Variants in GRM7 observed in about 807,000 individuals in gnomAD.
The protein encoded by GRM7 is metabotropic glutamate receptor 7.
A neutral mutation model predicts 84.5 loss-of-function variants in GRM7; 35 were observed. The observed-to-expected ratio is 0.41, with a 90% confidence interval of 0.32 to 0.55. The LOEUF (loss-of-function observed/expected upper bound fraction) is 0.55. Among genes scored for constraint, GRM7 ranks in the 20% least tolerant of loss-of-function variants. The pLI is 0.19. For missense variants in GRM7, 1,003 were observed against 1,194.6 expected (o/e 0.84, Z 2.36); for synonymous variants, 487 against 455.1 (o/e 1.07, Z -0.89).
Position 7,592,906 on chromosome 3 carries a change from A to T in GRM7, c.2451+13549A>T, listed in dbSNP as rs541217065. On this transcript the variant is annotated intron_variant, in intron 8 of 9. Coordinates refer to ENST00000357716, the MANE Select transcript of GRM7 (RefSeq NM_000844.4). ...TGGAAAACATGGGGAAACTGAATTCAAGCACCAACCCTACCCTTGTACTCA... is the reference window on the plus strand; with the variant it reads ...TGGAAAACATGGGGAAACTGAATTCTAGCACCAACCCTACCCTTGTACTCA... 1.3e-3 allele frequency among the ~76,000 whole-genome samples: 192 copies of T among 152,256 alleles called. 2 individuals are homozygous for T. In the South Asian group the frequency reaches 0.031, roughly 25 times the overall value.
intron 3 of GRM7, among the ~76,000 whole-genome samples, chr3:7,303,387 C>A (rs555652517): frequency 3.3e-5 from 5 of 152,230 alleles, no homozygotes; most frequent in African/African-American, 1.2e-4. Flanking sequence ...ACTCTTTAAA[C>A]TGTTTCTTCT....
At chr3:7,185,014 A>C (rs1008538527) in intron 2 of GRM7, among the ~76,000 whole-genome samples, 2 of 152,206 alleles carry the variant, frequency 1.3e-5, no homozygotes, top group Non-Finnish European at 2.9e-5. Flanking sequence ...CTTAAAAGTG[A>C]TATAAGTTAG....
intron 1 of GRM7, among the ~76,000 whole-genome samples, chr3:7,043,286 CT>C (rs1696696147): frequency 6.6e-6 from 1 of 152,184 alleles, no homozygotes; most frequent in Non-Finnish European, 1.5e-5. Context: ...TTGGACTTCT[CT>C]TTGTGTATGG....
At chr3:7,311,278 G>A (rs1321845571) in intron 4 of GRM7, among the ~76,000 whole-genome samples, 2 of 152,134 alleles carry the variant, frequency 1.3e-5, no homozygotes, top group Non-Finnish European at 2.9e-5. Flanking sequence ...GATAAAATGA[G>A]CCAGATCCAG....
rs376895013 is a variant in GRM7, at chr3:7,663,104, G to A, written c.2452-16945G>A. On this transcript the variant is annotated intron_variant, in intron 8 of 9. Coordinates refer to ENST00000357716, the MANE Select transcript of GRM7 (RefSeq NM_000844.4). ...TGAGATGCCCATGAGGGTTCTAAGT[G>A]ATACTCTGATTATGGCTGAACTCCC... Among the ~76,000 whole-genome samples the A allele has an allele frequency of 3.3e-5, 5 of 152,256 alleles. No individual in the cohort carries two copies. The South Asian group carries it at 8.3e-4, about 25-fold the overall frequency.
chr3:7,298,592 G>A (rs2125021296), intron 2 of GRM7, 92 bp from the exon 3 acceptor site: 1 of 1,034,396 alleles, frequency 9.7e-7, no homozygotes, highest in Non-Finnish European at 1.5e-6. Context: ...TGCATATCCG[G>A]GATTCAGAAT....
At chr3:7,335,462 G>A (rs551767151) in intron 4 of GRM7, among the ~76,000 whole-genome samples, 2 of 151,918 alleles carry the variant, frequency 1.3e-5, no homozygotes, top group African/African-American at 4.8e-5. Context: ...AAGTTTGAAA[G>A]AGTACAAGTA....
rs544473055 is a variant in GRM7, at chr3:7,474,470, G to A, written c.1515+12748G>A. ...AAAAAAAAAAAATTGACAATTGAGA[G>A]TAGTAACCCCCCACCAAAAACAACT... On this transcript the variant is annotated intron_variant, in intron 7 of 9. Coordinates refer to ENST00000357716, the MANE Select transcript of GRM7 (RefSeq NM_000844.4). Among the ~76,000 whole-genome samples the A allele has an allele frequency of 7.3e-5, 11 of 150,538 alleles. No homozygotes were observed. The South Asian group carries it at 2.1e-3, about 29-fold the overall frequency.
At chr3:7,123,903 A>G (rs918871692) in intron 1 of GRM7, among the ~76,000 whole-genome samples, 1 of 152,202 alleles carries the variant, frequency 6.6e-6, no homozygotes, top group African/African-American at 2.4e-5. Flanking sequence ...CATTGTGTTC[A>G]GTTGTATTTT....
chr3:7,620,394 G>A (rs184922375), intron 8 of GRM7, among the ~76,000 whole-genome samples: 3 of 152,194 alleles, frequency 2.0e-5, no homozygotes, highest in African/African-American at 7.2e-5. Context: ...TGGGGACAGA[G>A]AGTTATGTTT....
At chr3:7,379,273 C>T (rs1469584451) in intron 4 of GRM7, among the ~76,000 whole-genome samples, 1 of 152,036 alleles carries the variant, frequency 6.6e-6, no homozygotes, top group Non-Finnish European at 1.5e-5. Flanking sequence ...CTGGGTTTCA[C>T]CATGTTGCCC....
At chr3:7,691,132 T>G (rs1427251417) in intron 9 of GRM7, 1 of 469,608 alleles carries the variant, frequency 2.1e-6, no homozygotes. Context: ...CTCTATGATC[T>G]AAATGACTAT....
chr3:6,968,855 C>T (rs1395168942), intron 1 of GRM7, among the ~76,000 whole-genome samples: 1 of 152,148 alleles, frequency 6.6e-6, no homozygotes, highest in Non-Finnish European at 1.5e-5. Context: ...ACCAGAATTA[C>T]CACATGTGTA....
At chr3:6,992,305 T>C (rs1694670564) in intron 1 of GRM7, among the ~76,000 whole-genome samples, 1 of 152,206 alleles carries the variant, frequency 6.6e-6, no homozygotes, top group Non-Finnish European at 1.5e-5. Flanking sequence ...TAGGAGTCCT[T>C]AAAGATAAAT....
chr3:7,500,802 C>T (rs551924837), intron 7 of GRM7, among the ~76,000 whole-genome samples: 4 of 152,300 alleles, frequency 2.6e-5, no homozygotes, highest in South Asian at 2.1e-4. Context: ...AGTCTACTCT[C>T]CTGACATTCA....
At chr3:7,044,170 T>G (rs907047220) in intron 1 of GRM7, among the ~76,000 whole-genome samples, 2 of 152,204 alleles carry the variant, frequency 1.3e-5, no homozygotes, top group Non-Finnish European at 2.9e-5. Context: ...GGGGACATTC[T>G]TCTGTTTATC....
At chr3:7,465,749 G>A (rs1698437208) in intron 7 of GRM7, among the ~76,000 whole-genome samples, 1 of 152,026 alleles carries the variant, frequency 6.6e-6, no homozygotes, top group African/African-American at 2.4e-5. Flanking sequence ...AAATTTTCGA[G>A]GGCGGCTTTC....
intron 9 of GRM7, chr3:7,680,779 T>G (rs1203000675): frequency 6.1e-6 from 1 of 163,248 alleles, no homozygotes; most frequent in Non-Finnish European, 1.3e-5. Context: ...ATATAAAATA[T>G]TGGAAAAAGT....
chr3:7,134,803 A>G (rs1262244913), intron 1 of GRM7, among the ~76,000 whole-genome samples: 1 of 152,178 alleles, frequency 6.6e-6, no homozygotes, highest in African/African-American at 2.4e-5. Context: ...TCCACCTATA[A>G]CAGGTTGTTG....
Sources: gnomAD v4.1 joint callset for allele counts (sites outside exome capture counted in the v4.1 genomes callset) on GRCh38, gnomAD v4.1.1 for gene constraint, MANE v1.5 for transcripts, NCBI Gene and HGNC (gene_info 2026-07-23, HGNC 2026-07-21) for gene names.